The following DLG2 variants were observed in gnomAD, a reference collection of about 807,000 sequenced individuals.
The protein encoded by DLG2 is disks large homolog 2.
In DLG2, 45 loss-of-function variants were observed where a neutral mutation model predicts 132.5. The ratio of observed to expected loss-of-function variants is 0.34; its 90% CI spans 0.27 to 0.44. The LOEUF is 0.44. Among genes scored for constraint, DLG2 ranks in the 20% least tolerant of loss-of-function variants. DLG2 has a pLI of 1.00. For synonymous variants in DLG2, 424 were observed against 419.6 expected (o/e 1.01, Z -0.13); for missense variants, 1,045 against 1,196.9 (o/e 0.87, Z 1.87).
intron 15 of DLG2, among the ~76,000 whole-genome samples, chr11:83,885,949 C>T (rs2154080047): frequency 6.6e-6 from 1 of 152,250 alleles, no homozygotes; most frequent in East Asian, 1.9e-4. Context: ...CTGAAGGAAG[C>T]ACTAAACATG....
intron 7 of DLG2, among the ~76,000 whole-genome samples, chr11:84,342,800 A>G (rs574509692): frequency 6.6e-6 from 1 of 152,320 alleles, no homozygotes; most frequent in African/African-American, 2.4e-5. Flanking sequence ...TATTGGGTCT[A>G]AAATAGTGAA....
chr11:83,940,756 A>G (rs1235192381), intron 14 of DLG2, among the ~76,000 whole-genome samples: 3 of 152,218 alleles, frequency 2.0e-5, no homozygotes, highest in East Asian at 3.8e-4. Context: ...GTCCGGCCCT[A>G]TTCCTTTAAG....
At chr11:84,511,926 A>G (rs979927354) in intron 7 of DLG2, among the ~76,000 whole-genome samples, 1 of 152,166 alleles carries the variant, frequency 6.6e-6, no homozygotes, top group Non-Finnish European at 1.5e-5. Flanking sequence ...AATCCTCACA[A>G]CAACCCTTTG....
chr11:84,062,135 T>C (rs1235768829), intron 10 of DLG2, among the ~76,000 whole-genome samples: 1 of 152,200 alleles, frequency 6.6e-6, no homozygotes, highest in Non-Finnish European at 1.5e-5. Flanking sequence ...TACAGTGGGA[T>C]CCTTAATTGT....
chr11:84,923,314 T>G, intron 6 of DLG2: 1 of 1,422,762 alleles, frequency 7.0e-7, no homozygotes, highest in Non-Finnish European at 9.2e-7. Context: ...AATCTCTTCA[T>G]TGGCTATATA....
intron 3 of DLG2, among the ~76,000 whole-genome samples, chr11:85,332,745 C>G (rs2081853638): frequency 6.6e-6 from 1 of 151,968 alleles, no homozygotes; most frequent in Non-Finnish European, 1.5e-5. Context: ...TGTCGACCCT[C>G]TCAAAGATCA....
intron 6 of DLG2, among the ~76,000 whole-genome samples, chr11:84,819,081 A>ACACACACACACC (rs1373990062): frequency 6.9e-6 from 1 of 143,926 alleles, no homozygotes. Flanking sequence ...ACAAATACAC[A>ACACACACACACC]CACACACACA....
chr11:84,342,372 T>TG, intron 7 of DLG2, among the ~76,000 whole-genome samples: 1 of 152,360 alleles, frequency 6.6e-6, no homozygotes, highest in Middle Eastern at 3.4e-3. Flanking sequence ...GAAGGAGCTA[T>TG]GGTTCAAAGC....
At chr11:84,370,145 T>C (rs987763726) in intron 7 of DLG2, among the ~76,000 whole-genome samples, 1 of 152,164 alleles carries the variant, frequency 6.6e-6, no homozygotes, top group Admixed American at 6.6e-5. Context: ...CTTCCTCATA[T>C]GCATATTACA....
chr11:83,570,956 C>T (rs2096785804), intron 19 of DLG2, among the ~76,000 whole-genome samples: 1 of 152,248 alleles, frequency 6.6e-6, no homozygotes, highest in African/African-American at 2.4e-5. Context: ...AATCTCAGCT[C>T]ACTACAACTT....
chr11:84,912,156 T>G (rs2092118882), intron 6 of DLG2, among the ~76,000 whole-genome samples: 1 of 152,080 alleles, frequency 6.6e-6, no homozygotes, highest in African/African-American at 2.4e-5. Context: ...TATTTATTTA[T>G]TTATTTATTT....
At chr11:85,551,664 G>A (rs967762481) in intron 3 of DLG2, among the ~76,000 whole-genome samples, 10 of 151,912 alleles carry the variant, frequency 6.6e-5, no homozygotes, top group African/African-American at 2.4e-4. Flanking sequence ...TATTGATGTT[G>A]CATGCAAATA....
Position 84,552,542 on chromosome 11 carries a change from C to A in DLG2, c.358-17811G>T, listed in dbSNP as rs1317082506. ...GCCTCCATCAGTCATCTACACCTCA[C>A]CCCCAGACTGCGGTCAGAACTCATA... On this transcript the variant is annotated intron_variant, in intron 6 of 27. Transcript: ENST00000376104. Among the ~76,000 whole-genome samples, 3 of 152,166 alleles carry A rather than the reference C, an allele frequency of 2.0e-5. No individual in the cohort carries two copies. The East Asian group carries it at 5.8e-4, about 29-fold the overall frequency.
intron 3 of DLG2, among the ~76,000 whole-genome samples, chr11:85,450,965 C>G (rs1334918247): frequency 1.3e-5 from 2 of 152,082 alleles, no homozygotes; most frequent in Non-Finnish European, 2.9e-5. Flanking sequence ...CATTCTCATC[C>G]TAAGAAATCT....
At chr11:84,425,661 C>T (rs2098964008) in intron 7 of DLG2, among the ~76,000 whole-genome samples, 1 of 152,038 alleles carries the variant, frequency 6.6e-6, no homozygotes. Context: ...ACAAAATCAT[C>T]CTACAACATC....
chr11:83,567,752 T>G (rs1264222801), intron 19 of DLG2, among the ~76,000 whole-genome samples: 3 of 152,132 alleles, frequency 2.0e-5, no homozygotes, highest in Non-Finnish European at 4.4e-5. Flanking sequence ...GGCAGCTGCA[T>G]GCAGAGTGAG....
At chr11:83,817,456 A>C (rs891452237) in intron 17 of DLG2, among the ~76,000 whole-genome samples, 5 of 152,220 alleles carry the variant, frequency 3.3e-5, no homozygotes, top group African/African-American at 9.6e-5. Context: ...GGACAAGTTA[A>C]GAGAAGCTAT....
chr11:84,328,366 A>G (rs2098443117), intron 7 of DLG2, among the ~76,000 whole-genome samples: 1 of 152,104 alleles, frequency 6.6e-6, no homozygotes. Flanking sequence ...AACTGAGGAA[A>G]TACATCTCTT....
chr11:84,062,879 A>G (rs533184158), intron 10 of DLG2, among the ~76,000 whole-genome samples: 71 of 152,226 alleles, frequency 4.7e-4, no homozygotes, highest in African/African-American at 1.7e-3. Context: ...TTTTGGCTAG[A>G]GGGTCATAGC....
Sources: gnomAD v4.1 joint callset for allele counts (sites outside exome capture counted in the v4.1 genomes callset) on GRCh38, gnomAD v4.1.1 for gene constraint, MANE v1.5 for transcripts, NCBI Gene and HGNC (gene_info 2026-07-23, HGNC 2026-07-21) for gene names.